The following GRM3 variants were observed in gnomAD, a reference collection of about 807,000 sequenced individuals.
GRM3 encodes the protein metabotropic glutamate receptor 3.
GRM3 carries 26 observed loss-of-function variants against 70.5 expected under a neutral mutation model. The observed-to-expected ratio is 0.37, with a 90% confidence interval of 0.27 to 0.51. The LOEUF is 0.51. GRM3 is among the 20% of genes least tolerant of loss of function. GRM3 has a pLI of 0.93. For synonymous variants in GRM3, 443 were observed against 434.9 expected, an observed-to-expected ratio of 1.02 and a Z score of -0.23; for missense variants, 859 against 1,123.8, an observed-to-expected ratio of 0.76 and a Z score of 3.37.
rs992860999 is a variant in GRM3 at position 86,753,105 on chromosome 7, A to G, written c.-140-11901A>G. ...CATCCGCACAGCCAGCAGTTCCCCA[A>G]GATCACACACCACCTTACACCTCAA... On this transcript the variant is annotated intron_variant, in intron 1 of 5. Transcript: ENST00000361669. 2.0e-5 allele frequency among the ~76,000 whole-genome samples: 3 copies of G among 152,196 alleles called. No homozygotes were observed. In the South Asian group the frequency reaches 6.2e-4, roughly 32 times the overall value.
chr7:86,715,968 A>T (rs1795304441), intron 1 of GRM3, among the ~76,000 whole-genome samples: 1 of 152,028 alleles, frequency 6.6e-6, no homozygotes. Context: ...TTAGGAAAGA[A>T]CTCACCTGAA....
At chr7:86,763,269 C>T (rs1428588674) in intron 1 of GRM3, among the ~76,000 whole-genome samples, 2 of 152,092 alleles carry the variant, frequency 1.3e-5, no homozygotes. Flanking sequence ...CAGGCATGCT[C>T]AACTAGAACA....
chr7:86,787,343 G>C (rs1457065944), intron 3 of GRM3, among the ~76,000 whole-genome samples: 3 of 152,226 alleles, frequency 2.0e-5, no homozygotes, highest in African/African-American at 7.2e-5. Flanking sequence ...AGGGGCCCCA[G>C]GCAGGGCTGA....
intron 1 of GRM3, among the ~76,000 whole-genome samples, chr7:86,677,308 C>T (rs933958771): frequency 4.6e-5 from 7 of 152,000 alleles, no homozygotes; most frequent in Non-Finnish European, 1.0e-4. Context: ...AGTTCCAGAA[C>T]TCTAGATTTC....
At chr7:86,816,419 T>C (rs894362688) in intron 3 of GRM3, among the ~76,000 whole-genome samples, 1 of 151,822 alleles carries the variant, frequency 6.6e-6, no homozygotes, top group African/African-American at 2.4e-5. Context: ...ACTCAATAGG[T>C]AGTTTTTTGA....
intron 1 of GRM3, among the ~76,000 whole-genome samples, chr7:86,662,901 T>G (rs902171501): frequency 4.6e-5 from 7 of 151,992 alleles, no homozygotes; most frequent in South Asian, 2.1e-4. Flanking sequence ...ATTTAGATTT[T>G]TTTTTGCTAT....
At chr7:86,737,034 AC>A (rs1432844974) in intron 1 of GRM3, among the ~76,000 whole-genome samples, 9 of 152,140 alleles carry the variant, frequency 5.9e-5, no homozygotes, top group Non-Finnish European at 8.8e-5. Flanking sequence ...GAAAAAAAAA[AC>A]ATCCAACTCC....
At chr7:86,661,299 C>T (rs1020066917) in intron 1 of GRM3, among the ~76,000 whole-genome samples, 20 of 151,978 alleles carry the variant, frequency 1.3e-4, no homozygotes, top group African/African-American at 4.6e-4. Flanking sequence ...GAGTAGGCTA[C>T]TTAATATCTT....
At chr7:86,727,300 G>A (rs1795614795) in intron 1 of GRM3, among the ~76,000 whole-genome samples, 1 of 152,070 alleles carries the variant, frequency 6.6e-6, no homozygotes, top group Admixed American at 6.6e-5. Flanking sequence ...CCTAGCTATA[G>A]CTCCTCTCCC....
At chr7:86,782,602 C>T (rs151085905) in intron 2 of GRM3, among the ~76,000 whole-genome samples, 1 of 152,288 alleles carries the variant, frequency 6.6e-6, no homozygotes, top group African/African-American at 2.4e-5. Context: ...TGCGCTTTAG[C>T]GTCCCTTATT....
intron 5 of GRM3, among the ~76,000 whole-genome samples, chr7:86,863,109 T>G (rs1460407353): frequency 6.6e-6 from 1 of 152,128 alleles, no homozygotes; most frequent in Admixed American, 6.6e-5. Flanking sequence ...CACCATCTCT[T>G]TAACCGATTC....
intron 3 of GRM3, among the ~76,000 whole-genome samples, chr7:86,798,312 G>T (rs75103383): frequency 6.6e-6 from 1 of 152,224 alleles, no homozygotes; most frequent in African/African-American, 2.4e-5. Context: ...GCCAGGAGGG[G>T]AGCTGTACCC....
intron 1 of GRM3, among the ~76,000 whole-genome samples, chr7:86,729,758 A>G (rs1049218257): frequency 2.0e-5 from 3 of 152,210 alleles, no homozygotes; most frequent in Non-Finnish European, 4.4e-5. Flanking sequence ...TGCTTTGATC[A>G]TAAAGGATTA....
chr7:86,825,527 A>G (rs1291636669), intron 3 of GRM3, among the ~76,000 whole-genome samples: 2 of 152,204 alleles, frequency 1.3e-5, no homozygotes, highest in African/African-American at 4.8e-5. Flanking sequence ...AGGAGAAGTC[A>G]TTTATTTTAC....
At chr7:86,795,084 G>A (rs1362171924) in intron 3 of GRM3, among the ~76,000 whole-genome samples, 5 of 150,838 alleles carry the variant, frequency 3.3e-5, no homozygotes, top group Non-Finnish European at 4.4e-5. Context: ...GTAAAGTAAC[G>A]AAAGTTTCTC....
intron 1 of GRM3, among the ~76,000 whole-genome samples, chr7:86,726,583 T>C (rs1795597716): frequency 6.6e-6 from 1 of 152,162 alleles, no homozygotes; most frequent in Admixed American, 6.6e-5. Context: ...ATTTCCCCCA[T>C]ATTTCCCCCA....
chr7:86,704,290 C>A (rs1415813156), intron 1 of GRM3, among the ~76,000 whole-genome samples: 1 of 151,768 alleles, frequency 6.6e-6, no homozygotes, highest in Non-Finnish European at 1.5e-5. Context: ...TGATTAGATG[C>A]TTTCTGGGTT....
At chr7:86,812,093 C>T (rs915113380) in intron 3 of GRM3, among the ~76,000 whole-genome samples, 3 of 151,724 alleles carry the variant, frequency 2.0e-5, no homozygotes, top group African/African-American at 4.8e-5. Context: ...GTAGTCACGG[C>T]ATTCACAACC....
intron 3 of GRM3, among the ~76,000 whole-genome samples, chr7:86,788,647 A>T (rs1423159453): frequency 1.3e-5 from 2 of 152,222 alleles, no homozygotes; most frequent in Non-Finnish European, 2.9e-5. Context: ...CATCTCTAAA[A>T]ATTGAGAATG....
Sources: gnomAD v4.1 joint callset for allele counts (sites outside exome capture counted in the v4.1 genomes callset) on GRCh38, gnomAD v4.1.1 for gene constraint, MANE v1.5 for transcripts, NCBI Gene and HGNC (gene_info 2026-07-23, HGNC 2026-07-21) for gene names.